Variants in LRP1B observed in about 807,000 individuals in gnomAD.
The protein encoded by LRP1B is low-density lipoprotein receptor-related protein 1B.
A neutral mutation model predicts 556.6 loss-of-function variants in LRP1B; 217 were observed. The observed-to-expected ratio is 0.39, with a 90% CI of 0.35 to 0.44. The LOEUF is 0.44. LRP1B is among the 20% of genes least tolerant of loss of function. The pLI is 1.00. For synonymous variants in LRP1B, 2,047 were observed against 1,865.8 expected (o/e 1.10, Z -2.50); for missense variants, 5,053 against 5,620.8 (o/e 0.90, Z 3.23).
At chr2:141,745,502 G>A (rs1693882787) in intron 2 of LRP1B, among the ~76,000 whole-genome samples, 1 of 151,962 alleles carries the variant, frequency 6.6e-6, no homozygotes, top group South Asian at 2.1e-4. Flanking sequence ...TACCACTGAT[G>A]TTCACTTCAG....
rs557189237 is a variant in LRP1B at position 141,206,158 on chromosome 2, C to T, written c.851-17575G>A. Among the ~76,000 whole-genome samples the T allele has an allele frequency of 4.6e-5, 7 of 151,742 alleles. No homozygotes were observed. The East Asian group carries it at 9.7e-4, about 21-fold the overall frequency. On this transcript the variant is annotated intron_variant, in intron 6 of 90. Transcript: ENST00000389484. ...ACACACACACACACACACACACACA[C>T]GCACAACCAGGAAGCCAGATCACCA...
chr2:140,655,951 C>CAAAAAAAAA (rs1286848376), intron 41 of LRP1B, among the ~76,000 whole-genome samples: 1 of 148,764 alleles, frequency 6.7e-6, no homozygotes, highest in Admixed American at 6.8e-5. Context: ...TCAAAAAAAA[C>CAAAAAAAAA]AAAAAAAGAA....
chr2:140,731,481 A>T (rs1687774160), intron 35 of LRP1B, among the ~76,000 whole-genome samples: 1 of 152,196 alleles, frequency 6.6e-6, no homozygotes, highest in Non-Finnish European at 1.5e-5. Flanking sequence ...GTAATTTAAT[A>T]AGGTAGTAAT....
chr2:141,663,708 AC>A (rs1305375609), intron 2 of LRP1B, among the ~76,000 whole-genome samples: 4 of 152,188 alleles, frequency 2.6e-5, no homozygotes, highest in Admixed American at 2.0e-4. Flanking sequence ...AGCCTACTAA[AC>A]AAGAAAAGCC....
chr2:141,333,941 T>A (rs1160022565), intron 3 of LRP1B, among the ~76,000 whole-genome samples: 1 of 152,190 alleles, frequency 6.6e-6, no homozygotes, highest in Non-Finnish European at 1.5e-5. Flanking sequence ...ACATTCCTGA[T>A]CTCCTTTTTA....
intron 6 of LRP1B, among the ~76,000 whole-genome samples, chr2:141,219,074 A>C (rs1021494116): frequency 1.3e-5 from 2 of 152,196 alleles, no homozygotes; most frequent in Admixed American, 1.3e-4. Context: ...AGATCTGTAC[A>C]TCCTGTGGAT....
intron 41 of LRP1B, among the ~76,000 whole-genome samples, chr2:140,686,793 G>A (rs1686066880): frequency 6.6e-6 from 1 of 151,934 alleles, no homozygotes; most frequent in South Asian, 2.1e-4. Context: ...TATGTCCATC[G>A]ATAGGAAGGA....
intron 6 of LRP1B, among the ~76,000 whole-genome samples, chr2:141,200,292 G>T: frequency 6.6e-6 from 1 of 152,102 alleles, no homozygotes; most frequent in East Asian, 1.9e-4. Context: ...GCAGTAACAT[G>T]AATGGAGCTG....
At chr2:141,460,416 G>A (rs1559081985) in intron 3 of LRP1B, among the ~76,000 whole-genome samples, 2 of 152,146 alleles carry the variant, frequency 1.3e-5, no homozygotes, top group Admixed American at 1.3e-4. Flanking sequence ...CAATTATGGG[G>A]CTGAGAAACA....
chr2:141,169,279 C>G (rs968405754), intron 7 of LRP1B, among the ~76,000 whole-genome samples: 2 of 144,532 alleles, frequency 1.4e-5, no homozygotes, highest in Non-Finnish European at 3.0e-5. Context: ...AAGCAAGACT[C>G]TGTCTCAAAA....
chr2:141,862,962 G>A (rs569821145), intron 1 of LRP1B, among the ~76,000 whole-genome samples: 1 of 152,274 alleles, frequency 6.6e-6, no homozygotes, highest in South Asian at 2.1e-4. Context: ...AGATGGTTCA[G>A]TGTTGGCTGA....
chr2:141,261,411 C>T (rs766261737), intron 3 of LRP1B, among the ~76,000 whole-genome samples: 38 of 152,204 alleles, frequency 2.5e-4, no homozygotes, highest in Middle Eastern at 3.4e-3. Flanking sequence ...ACGTACAATG[C>T]TGCAAGTTTT....
intron 89 of LRP1B, among the ~76,000 whole-genome samples, chr2:140,235,695 CAT>C (rs1680665945): frequency 6.6e-6 from 1 of 150,954 alleles, no homozygotes; most frequent in Non-Finnish European, 1.5e-5. Flanking sequence ...GGCACTGAAA[CAT>C]AGTTTTATCT....
chr2:140,432,208 C>G (rs991380490), intron 66 of LRP1B, among the ~76,000 whole-genome samples: 2 of 152,164 alleles, frequency 1.3e-5, no homozygotes, highest in African/African-American at 4.8e-5. Flanking sequence ...GTGACCCCCA[C>G]ATCTGCCCAC....
At chr2:140,582,515 G>A (rs960931156) in intron 43 of LRP1B, among the ~76,000 whole-genome samples, 1 of 152,160 alleles carries the variant, frequency 6.6e-6, no homozygotes. Flanking sequence ...GGACTTTTAG[G>A]AGCTGATAAA....
chr2:141,762,121 C>T (rs16847069), intron 2 of LRP1B, among the ~76,000 whole-genome samples: 2,732 of 150,954 alleles, frequency 0.018, 92 homozygotes, highest in African/African-American at 0.063. Flanking sequence ...TTTGGTTATC[C>T]ACTGATTGGG....
chr2:141,990,725 GTGTA>G (rs1310923677), intron 1 of LRP1B, among the ~76,000 whole-genome samples: 3 of 152,012 alleles, frequency 2.0e-5, no homozygotes, highest in African/African-American at 7.2e-5. Context: ...TTTAAGAGTG[GTGTA>G]TGTGTGTATC....
chr2:140,283,343 T>A (rs1184893471), intron 84 of LRP1B, among the ~76,000 whole-genome samples: 2 of 151,804 alleles, frequency 1.3e-5, no homozygotes, highest in Non-Finnish European at 2.9e-5. Context: ...GAGCTGTGTT[T>A]AATAAAGTAG....
intron 2 of LRP1B, among the ~76,000 whole-genome samples, chr2:141,631,538 CAAAA>C (rs71391663): frequency 1.1e-4 from 10 of 92,566 alleles, no homozygotes; most frequent in Admixed American, 3.4e-4. Context: ...ACCAGTTTTC[CAAAA>C]AAAAAAAAAA....
Sources: gnomAD v4.1 joint callset for allele counts (sites outside exome capture counted in the v4.1 genomes callset) on GRCh38, gnomAD v4.1.1 for gene constraint, MANE v1.5 for transcripts, NCBI Gene and HGNC (gene_info 2026-07-23, HGNC 2026-07-21) for gene names.